MACROD2: variants seen among roughly 807,000 people sequenced by gnomAD.
MACROD2 encodes ADP-ribose glycohydrolase MACROD2.
In MACROD2, 36 loss-of-function variants were observed where a neutral mutation model predicts 70.4. The observed-to-expected ratio is 0.51, with a 90% CI of 0.39 to 0.68. MACROD2 has a LOEUF of 0.68. Ranked by LOEUF, MACROD2 falls within the 30% of genes least tolerant of loss-of-function variation. The pLI, the probability that MACROD2 is intolerant of heterozygous loss-of-function variation, is 0.00. For synonymous variants in MACROD2, 172 were observed against 178.8 expected, an observed-to-expected ratio of 0.96 and a Z score of 0.30; for missense variants, 496 against 538.4, an observed-to-expected ratio of 0.92 and a Z score of 0.78.
At chr20:15,874,938 T>G (rs2064646889) in intron 9 of MACROD2, among the ~76,000 whole-genome samples, 1 of 152,040 alleles carries the variant, frequency 6.6e-6, no homozygotes. Flanking sequence ...TTCTTAAAAT[T>G]GAAAGAGGAA....
intron 5 of MACROD2, among the ~76,000 whole-genome samples, chr20:14,705,056 A>T (rs2071253249): frequency 6.6e-6 from 1 of 151,984 alleles, no homozygotes; most frequent in African/African-American, 2.4e-5. Flanking sequence ...AAATTAACAG[A>T]TTCATCATCT....
At chr20:14,519,106 A>C (rs1335647263) in intron 4 of MACROD2, among the ~76,000 whole-genome samples, 1 of 152,196 alleles carries the variant, frequency 6.6e-6, no homozygotes, top group Non-Finnish European at 1.5e-5. Context: ...CTAAAGTACT[A>C]AGTTAAACAA....
intron 5 of MACROD2, among the ~76,000 whole-genome samples, chr20:14,749,824 T>G (rs1415693601): frequency 6.6e-6 from 1 of 152,120 alleles, no homozygotes; most frequent in Non-Finnish European, 1.5e-5. Flanking sequence ...TACCTTGGGG[T>G]AAATTTTATT....
intron 8 of MACROD2, among the ~76,000 whole-genome samples, chr20:15,603,526 A>T (rs976357172): frequency 1.4e-4 from 21 of 150,964 alleles, no homozygotes; most frequent in Admixed American, 5.3e-4. Flanking sequence ...AAAAAAAGAT[A>T]TAAGGGAAAT....
At chr20:14,981,549 G>T (rs1053559443) in intron 5 of MACROD2, among the ~76,000 whole-genome samples, 3 of 151,980 alleles carry the variant, frequency 2.0e-5, no homozygotes, top group Admixed American at 2.0e-4. Context: ...CCTGTTGTGG[G>T]AGAGACCCAG....
At position 14,530,509 on chromosome 20, in the gene MACROD2, T is replaced by G. The variant is rs575488980; in HGVS notation, c.301+37001T>G. On this transcript the variant is annotated intron_variant, in intron 4 of 17. Transcript: ENST00000684519. ...TATAGCCAGTTGTTTCCCTGCACAC[T>G]GCTTACATTCATGTTATATTCTGGC... 4.6e-5 allele frequency among the ~76,000 whole-genome samples: 7 copies of G among 152,334 alleles called. No homozygotes were observed. In the South Asian group the frequency reaches 8.3e-4, roughly 18 times the overall value.
At chr20:15,425,665 T>C (rs568542623) in intron 6 of MACROD2, among the ~76,000 whole-genome samples, 8 of 152,308 alleles carry the variant, frequency 5.3e-5, no homozygotes, top group South Asian at 4.1e-4. Context: ...ACTCTTCATC[T>C]TTCTATTCTT....
chr20:14,816,731 G>A (rs555331327), intron 5 of MACROD2, among the ~76,000 whole-genome samples: 6 of 152,108 alleles, frequency 3.9e-5, no homozygotes, highest in African/African-American at 1.4e-4. Context: ...TGCGGTGCAT[G>A]TTATTATTGA....
At chr20:14,096,364 C>A (rs1356157724) in intron 3 of MACROD2, among the ~76,000 whole-genome samples, 1 of 118,116 alleles carries the variant, frequency 8.5e-6, no homozygotes, top group Non-Finnish European at 1.7e-5. Context: ...GTTATTTTAC[C>A]TTTTTTTTTT....
chr20:15,655,482 G>A (rs2049716271), intron 8 of MACROD2, among the ~76,000 whole-genome samples: 1 of 152,072 alleles, frequency 6.6e-6, no homozygotes, highest in Non-Finnish European at 1.5e-5. Flanking sequence ...TAGGTGTGGG[G>A]AGCAGAAATC....
At chr20:14,097,765 G>A (rs1245870699) in intron 3 of MACROD2, among the ~76,000 whole-genome samples, 2 of 152,060 alleles carry the variant, frequency 1.3e-5, no homozygotes, top group African/African-American at 4.8e-5. Context: ...GAGAAATCTT[G>A]GGGATGGGAC....
At chr20:15,730,923 T>G (rs1364315502) in intron 8 of MACROD2, among the ~76,000 whole-genome samples, 1 of 60,716 alleles carries the variant, frequency 1.6e-5, no homozygotes, top group East Asian at 2.7e-4. Context: ...AGAGAACTGG[T>G]CTTCGAGCTC....
At chr20:14,660,138 A>C (rs1226196253) in intron 4 of MACROD2, among the ~76,000 whole-genome samples, 3 of 152,228 alleles carry the variant, frequency 2.0e-5, no homozygotes, top group Non-Finnish European at 2.9e-5. Context: ...CTTGCCCTTC[A>C]TCCCGTCTAG....
chr20:14,317,470 G>C (rs1245318225), intron 3 of MACROD2, among the ~76,000 whole-genome samples: 1 of 152,000 alleles, frequency 6.6e-6, no homozygotes, highest in African/African-American at 2.4e-5. Flanking sequence ...CAAAAAATTA[G>C]CTGGGGGTGG....
chr20:15,704,455 T>C (rs991628726), intron 8 of MACROD2, among the ~76,000 whole-genome samples: 1 of 152,258 alleles, frequency 6.6e-6, no homozygotes, highest in Non-Finnish European at 1.5e-5. Context: ...GATTGAGCTG[T>C]ATTGTAGTAC....
intron 8 of MACROD2, among the ~76,000 whole-genome samples, chr20:15,657,177 C>G (rs2049744340): frequency 6.6e-6 from 1 of 152,142 alleles, no homozygotes. Context: ...TAAAAATTAT[C>G]CAATGCTGAG....
At chr20:14,415,391 C>A (rs545331674) in intron 3 of MACROD2, among the ~76,000 whole-genome samples, 2 of 149,726 alleles carry the variant, frequency 1.3e-5, no homozygotes, top group East Asian at 3.9e-4. Context: ...TGTATATTTA[C>A]AGCTTATTTA....
At chr20:15,610,944 A>C (rs2048958526) in intron 8 of MACROD2, among the ~76,000 whole-genome samples, 2 of 139,872 alleles carry the variant, frequency 1.4e-5, no homozygotes, top group African/African-American at 2.7e-5. Context: ...ACTTTCACTG[A>C]CTCACTTCAT....
intron 3 of MACROD2, among the ~76,000 whole-genome samples, chr20:14,109,510 A>G (rs2054419158): frequency 6.6e-6 from 1 of 151,834 alleles, no homozygotes; most frequent in African/African-American, 2.4e-5. Flanking sequence ...ATATTTAGCC[A>G]GACTAAGAAA....
Sources: gnomAD v4.1 joint callset for allele counts (sites outside exome capture counted in the v4.1 genomes callset) on GRCh38, gnomAD v4.1.1 for gene constraint, MANE v1.5 for transcripts, NCBI Gene and HGNC (gene_info 2026-07-23, HGNC 2026-07-21) for gene names.